Variants in SESTD1 observed in about 807,000 individuals in gnomAD.
SESTD1 encodes the protein SEC14 and spectrin domain containing 1.
A neutral mutation model predicts 101.7 loss-of-function variants in SESTD1; 43 were observed. The ratio of observed to expected loss-of-function variants is 0.42; its 90% CI spans 0.33 to 0.55. The LOEUF (loss-of-function observed/expected upper bound fraction) is 0.55. Ranked by LOEUF, SESTD1 falls within the 20% of genes least tolerant of loss-of-function variation. The pLI is 0.07. For synonymous variants in SESTD1, 283 were observed against 286.8 expected (o/e 0.99, Z 0.13); for missense variants, 647 against 815.1 (o/e 0.79, Z 2.51).
chr2:179,256,186 T>C (rs1346666712), intron 1 of SESTD1, among the ~76,000 whole-genome samples: 3 of 152,172 alleles, frequency 2.0e-5, no homozygotes, highest in Non-Finnish European at 2.9e-5. Context: ...GACTTTCAAG[T>C]CTTATTATTT....
intron 5 of SESTD1, among the ~76,000 whole-genome samples, chr2:179,163,318 T>G (rs16866667): frequency 0.092 from 13,964 of 152,152 alleles, 2,114 homozygotes; most frequent in African/African-American, 0.32. Flanking sequence ...CTTTATCAAT[T>G]TAAGAATGTG....
chr2:179,113,808 G>A (rs2044565870), intron 16 of SESTD1, among the ~76,000 whole-genome samples: 1 of 151,856 alleles, frequency 6.6e-6, no homozygotes, highest in Non-Finnish European at 1.5e-5. Context: ...GGAGCCTGCA[G>A]TGAGCTGAGA....
At chr2:179,121,974 G>A (rs746502167) in intron 12 of SESTD1, 45 bp from the exon 13 acceptor site, 34 of 1,539,378 alleles carry the variant, frequency 2.2e-5, no homozygotes, top group Non-Finnish European at 2.5e-5. Context: ...CAACTAAGGC[G>A]CTTTCCCTCC....
intron 1 of SESTD1, among the ~76,000 whole-genome samples, chr2:179,196,611 G>A (rs559891683): frequency 2.0e-5 from 3 of 152,330 alleles, no homozygotes; most frequent in Non-Finnish European, 4.4e-5. Context: ...CTAGAGATCT[G>A]AGAATGGGCA....
At chr2:179,192,302 T>C (rs1296502522) in intron 1 of SESTD1, among the ~76,000 whole-genome samples, 2 of 152,206 alleles carry the variant, frequency 1.3e-5, no homozygotes, top group Non-Finnish European at 2.9e-5. Flanking sequence ...TCCTTATTAA[T>C]TACACAGCTT....
chr2:179,160,856 A>AT (rs1575452051), intron 5 of SESTD1, among the ~76,000 whole-genome samples: 1 of 151,980 alleles, frequency 6.6e-6, no homozygotes. Context: ...GCTCATTTTA[A>AT]TTTTTTTAAA....
chr2:179,194,242 T>G (rs1200320558), intron 1 of SESTD1, among the ~76,000 whole-genome samples: 2 of 152,128 alleles, frequency 1.3e-5, no homozygotes, highest in Non-Finnish European at 2.9e-5. Flanking sequence ...TGCCTCCTCC[T>G]TATCAGGGAT....
chr2:179,138,166 C>T (rs1273219030), intron 9 of SESTD1, among the ~76,000 whole-genome samples: 1 of 152,132 alleles, frequency 6.6e-6, no homozygotes, highest in Non-Finnish European at 1.5e-5. Context: ...CCATCATCAC[C>T]ATCATTATAA....
At chr2:179,239,273 G>C (rs1026902590) in intron 1 of SESTD1, among the ~76,000 whole-genome samples, 2 of 151,998 alleles carry the variant, frequency 1.3e-5, no homozygotes, top group African/African-American at 4.8e-5. Flanking sequence ...CCTGAATTCT[G>C]TTATTTCATA....
chr2:179,119,238 G>A (rs541831185), intron 13 of SESTD1, among the ~76,000 whole-genome samples: 3 of 152,316 alleles, frequency 2.0e-5, no homozygotes, highest in Admixed American at 1.3e-4. Context: ...AAGAGTTTAA[G>A]ATCTTGACCA....
chr2:179,189,059 A>G (rs924104323), intron 2 of SESTD1, among the ~76,000 whole-genome samples: 2 of 152,090 alleles, frequency 1.3e-5, no homozygotes, highest in Non-Finnish European at 2.9e-5. Flanking sequence ...AAGAGGAGGG[A>G]TTCCCTCTTC....
intron 1 of SESTD1, among the ~76,000 whole-genome samples, chr2:179,222,986 C>G (rs556259100): frequency 1.3e-5 from 2 of 152,188 alleles, no homozygotes; most frequent in Non-Finnish European, 2.9e-5. Flanking sequence ...GACTTGTACA[C>G]GAATGTTCAC....
intron 1 of SESTD1, among the ~76,000 whole-genome samples, chr2:179,220,065 TG>T (rs1196630386): frequency 6.6e-6 from 1 of 151,700 alleles, no homozygotes; most frequent in Non-Finnish European, 1.5e-5. Flanking sequence ...AGAAGTCTAG[TG>T]GAACATTAAA....
At chr2:179,139,668 T>C (rs2045234081) in intron 9 of SESTD1, among the ~76,000 whole-genome samples, 1 of 152,138 alleles carries the variant, frequency 6.6e-6, no homozygotes, top group Non-Finnish European at 1.5e-5. Flanking sequence ...CTGTGCCAGT[T>C]GGTTTGAAGG....
chr2:179,116,720 T>C lies in SESTD1; in HGVS notation c.1595A>G (p.Gln532Arg), dbSNP rs750699091. Residue 532 changes from glutamine (Q) to arginine (R), a missense_variant, in exon 15 of 18, where the codon CAA becomes CGA. Around this residue, in one of 3 missense-constraint regions of SESTD1, gnomAD observed 476 missense variants for 562.6 expected, o/e 0.85. Coordinates refer to ENST00000428443, the MANE Select transcript of SESTD1 (RefSeq NM_178123.5). ...KTHIRLGDDA[Q>R]ETKVLLEKHR... ...CTTTTCCAGCAAAACTTTCGTTTCT[T>C]GAGCATCATCGCCCAATCTGATGTG... 5 of 1,614,056 alleles carry C rather than the reference T, an allele frequency of 3.1e-6. No homozygotes were observed. The highest frequency in any genetic ancestry group is 4.2e-6 in the Non-Finnish European group (5 of 1,179,910).
Position 179,109,462 on chromosome 2 carries a change from G to C in SESTD1, c.*437C>G, listed in dbSNP as rs1472053579. The C allele has an allele frequency of 2.7e-6, 1 of 363,750 alleles. No individual in the cohort carries two copies. Among genetic ancestry groups the C allele is most frequent in the African/African-American group, 2.1e-5 (1 of 47,936 alleles). The allele number at this position is 363,750 out of a possible 1,614,324, so 22.5% of individuals were successfully genotyped here. Reference sequence around the variant, plus strand: ...ATAATCAATTCTGAAGAATTACAAAGTAAAATTTTGAGGACACCACTGTCT... The same window carrying C: ...ATAATCAATTCTGAAGAATTACAAACTAAAATTTTGAGGACACCACTGTCT... On this transcript the variant is annotated 3_prime_UTR_variant, in exon 18 of 18. Coordinates refer to ENST00000428443, the MANE Select transcript of SESTD1 (RefSeq NM_178123.5).
intron 1 of SESTD1, among the ~76,000 whole-genome samples, chr2:179,223,394 T>C (rs1339382034): frequency 2.0e-5 from 3 of 152,052 alleles, no homozygotes; most frequent in Non-Finnish European, 4.4e-5. Flanking sequence ...TAAAAATCAA[T>C]CTGTATAATT....
chr2:179,166,914 G>C (rs2045844722), intron 5 of SESTD1, among the ~76,000 whole-genome samples: 1 of 152,156 alleles, frequency 6.6e-6, no homozygotes, highest in African/African-American at 2.4e-5. Flanking sequence ...CAAAAGCCTA[G>C]GAAAAGGGCA....
At chr2:179,185,508 T>C (rs1291627132) in intron 2 of SESTD1, among the ~76,000 whole-genome samples, 4 of 139,266 alleles carry the variant, frequency 2.9e-5, no homozygotes, top group Non-Finnish European at 6.0e-5. Context: ...TTATATCGTA[T>C]ATTGTATATT....
Sources: gnomAD v4.1 joint callset for allele counts (sites outside exome capture counted in the v4.1 genomes callset) on GRCh38, gnomAD v4.1.1 for gene constraint, gnomAD v4.1.1 regional missense constraint, MANE v1.5 for transcripts, NCBI Gene and HGNC (gene_info 2026-07-23, HGNC 2026-07-21) for gene names.